The following NEGR1 variants were observed in gnomAD, a reference collection of about 807,000 sequenced individuals.
The protein encoded by NEGR1 is neuronal growth regulator 1, also known as IgLON family member 4.
In NEGR1, 10 loss-of-function variants were observed where a neutral mutation model predicts 40.9. The observed-to-expected ratio is 0.24, with a 90% CI of 0.15 to 0.42. NEGR1 has a LOEUF of 0.42. Ranked by LOEUF, NEGR1 falls within the 10% of genes least tolerant of loss-of-function variation. NEGR1 has a pLI of 1.00. For synonymous variants in NEGR1, 185 were observed against 166.8 expected (o/e 1.11, Z -0.84); for missense variants, 352 against 438.9 (o/e 0.80, Z 1.77).
chr1:71,425,369 T>G (rs571466024), intron 6 of NEGR1, among the ~76,000 whole-genome samples: 2 of 152,326 alleles, frequency 1.3e-5, no homozygotes, highest in East Asian at 3.9e-4. Flanking sequence ...TGACACTGTA[T>G]AGATGACATT....
In NEGR1 at chr1:71,446,821, G is replaced by A. The variant is rs141586272; in HGVS notation, c.941-39251C>T. Among the ~76,000 whole-genome samples the A allele has an allele frequency of 3.3e-4, 50 of 152,238 alleles. No individual in the cohort carries two copies. In the East Asian group the frequency reaches 9.6e-3, roughly 29 times the overall value. ...CCCCCTTCTAGTAACTAGCCTCATCGATAAGAGTAACCATTATGTTGACTT... is the reference window on the plus strand; with the variant it reads ...CCCCCTTCTAGTAACTAGCCTCATCAATAAGAGTAACCATTATGTTGACTT... On this transcript the variant is annotated intron_variant, in intron 6 of 6. Transcript: ENST00000357731.
intron 6 of NEGR1, among the ~76,000 whole-genome samples, chr1:71,442,321 T>C (rs1646553579): frequency 6.6e-6 from 1 of 150,738 alleles, no homozygotes; most frequent in Admixed American, 6.7e-5. Flanking sequence ...CGTTAAATAA[T>C]TGGACATTTT....
intron 4 of NEGR1, among the ~76,000 whole-genome samples, chr1:71,639,294 T>C (rs1421408412): frequency 2.6e-5 from 4 of 151,932 alleles, no homozygotes; most frequent in Non-Finnish European, 4.4e-5. Flanking sequence ...GTTTGTGCTT[T>C]ATGATTTTCA....
intron 6 of NEGR1, among the ~76,000 whole-genome samples, chr1:71,500,101 T>C (rs530389303): frequency 2.0e-5 from 3 of 152,100 alleles, no homozygotes; most frequent in African/African-American, 7.2e-5. Context: ...TTCTTTATGA[T>C]CTCTCTCCTC....
intron 1 of NEGR1, among the ~76,000 whole-genome samples, chr1:71,982,440 C>T (rs1425532083): frequency 6.6e-6 from 1 of 152,118 alleles, no homozygotes. Flanking sequence ...GCCTAGAATT[C>T]CAGCTTCTTT....
intron 1 of NEGR1, among the ~76,000 whole-genome samples, chr1:72,026,126 A>G (rs1646806979): frequency 6.8e-6 from 1 of 147,886 alleles, no homozygotes; most frequent in African/African-American, 2.5e-5. Context: ...AAAAAAAAAA[A>G]AAAAAAAAAA....
At chr1:71,496,556 A>G (rs1646964801) in intron 6 of NEGR1, among the ~76,000 whole-genome samples, 1 of 151,548 alleles carries the variant, frequency 6.6e-6, no homozygotes, top group Non-Finnish European at 1.5e-5. Flanking sequence ...ACCAGGATTC[A>G]TATTTCCTTG....
chr1:71,465,405 T>A (rs892803707), intron 6 of NEGR1, among the ~76,000 whole-genome samples: 1 of 152,130 alleles, frequency 6.6e-6, no homozygotes, highest in Non-Finnish European at 1.5e-5. Context: ...GCAGACAACT[T>A]GTTCTTTGTC....
intron 4 of NEGR1, among the ~76,000 whole-genome samples, chr1:71,613,267 GA>G (rs533898248): frequency 2.0e-5 from 3 of 151,822 alleles, no homozygotes; most frequent in Non-Finnish European, 4.4e-5. Flanking sequence ...GTGACATAGA[GA>G]AAAAAAGAGG....
intron 3 of NEGR1, among the ~76,000 whole-genome samples, chr1:71,726,802 A>G (rs1455132382): frequency 6.6e-6 from 1 of 152,088 alleles, no homozygotes; most frequent in Non-Finnish European, 1.5e-5. Flanking sequence ...TGGACAAGAC[A>G]GAGTAGAGTC....
intron 3 of NEGR1, among the ~76,000 whole-genome samples, chr1:71,704,163 T>TCACACACACACACA: frequency 7.0e-6 from 1 of 142,216 alleles, no homozygotes. Context: ...TCTCTCTCTG[T>TCACACACACACACA]CACACACACA....
intron 2 of NEGR1, among the ~76,000 whole-genome samples, chr1:71,807,670 T>C (rs1657827167): frequency 6.6e-6 from 1 of 152,198 alleles, no homozygotes; most frequent in African/African-American, 2.4e-5. Flanking sequence ...ACAAACCATT[T>C]CAAATTTTTT....
At chr1:71,452,147 C>T (rs1327379196) in intron 6 of NEGR1, among the ~76,000 whole-genome samples, 1 of 152,188 alleles carries the variant, frequency 6.6e-6, no homozygotes, top group Non-Finnish European at 1.5e-5. Context: ...CACACACTCA[C>T]ACATATCCAT....
At chr1:71,675,883 C>A (rs936812510) in intron 4 of NEGR1, among the ~76,000 whole-genome samples, 1 of 151,896 alleles carries the variant, frequency 6.6e-6, no homozygotes, top group Non-Finnish European at 1.5e-5. Context: ...CTCACTGCTG[C>A]CTCTGACCTC....
chr1:71,910,808 C>A (rs1472550457), intron 2 of NEGR1, among the ~76,000 whole-genome samples: 1 of 152,058 alleles, frequency 6.6e-6, no homozygotes, highest in Non-Finnish European at 1.5e-5. Context: ...GGTGGTTCTC[C>A]CACCTCAGCC....
intron 1 of NEGR1, among the ~76,000 whole-genome samples, chr1:72,048,521 A>G (rs931945731): frequency 6.6e-6 from 1 of 151,544 alleles, no homozygotes; most frequent in Non-Finnish European, 1.5e-5. Flanking sequence ...ATATTTACCC[A>G]GCATTTTTTC....
intron 3 of NEGR1, among the ~76,000 whole-genome samples, chr1:71,767,784 T>C (rs780071401): frequency 2.6e-5 from 4 of 152,166 alleles, no homozygotes; most frequent in East Asian, 1.9e-4. Context: ...AAGAATGATT[T>C]TGTGGGCCAG....
At chr1:72,227,638 A>AT (rs548256848) in intron 1 of NEGR1, among the ~76,000 whole-genome samples, 1 of 152,080 alleles carries the variant, frequency 6.6e-6, no homozygotes, top group African/African-American at 2.4e-5. Context: ...TTCCTTTACC[A>AT]TATATAGAAA....
intron 6 of NEGR1, among the ~76,000 whole-genome samples, chr1:71,479,069 A>G (rs1012853572): frequency 3.3e-5 from 5 of 152,180 alleles, no homozygotes; most frequent in South Asian, 2.1e-4. Context: ...AATGTGCAAC[A>G]TAAGTTACTT....
Sources: gnomAD v4.1 joint callset for allele counts (sites outside exome capture counted in the v4.1 genomes callset) on GRCh38, gnomAD v4.1.1 for gene constraint, MANE v1.5 for transcripts, NCBI Gene and HGNC (gene_info 2026-07-23, HGNC 2026-07-21) for gene names.